The following NCOA2 variants were observed in gnomAD, a reference collection of about 807,000 sequenced individuals.
NCOA2 encodes the protein class E basic helix-loop-helix protein 75.
Under a neutral mutation model 145.1 loss-of-function variants are expected in NCOA2, and 21 were observed. The ratio of observed to expected loss-of-function variants is 0.14; its 90% CI spans 0.10 to 0.21. NCOA2 has a LOEUF of 0.21. NCOA2 is among the 10% of genes least tolerant of loss of function. NCOA2 has a pLI of 1.00. For synonymous variants in NCOA2, 619 were observed against 637.5 expected, an observed-to-expected ratio of 0.97 and a Z score of 0.44; for missense variants, 1,472 against 1,837.6, an observed-to-expected ratio of 0.80 and a Z score of 3.64.
intron 1 of NCOA2, among the ~76,000 whole-genome samples, chr8:70,302,629 C>A (rs976962384): frequency 2.0e-5 from 3 of 152,116 alleles, no homozygotes; most frequent in Non-Finnish European, 4.4e-5. Flanking sequence ...TTAAGGTATA[C>A]AAATTAATAC....
intron 4 of NCOA2, among the ~76,000 whole-genome samples, chr8:70,198,094 T>C (rs900150988): frequency 6.6e-6 from 1 of 152,144 alleles, no homozygotes; most frequent in East Asian, 1.9e-4. Flanking sequence ...AGTAATGGCA[T>C]CTGGCTTTTT....
chr8:70,267,462 T>C (rs950646212), intron 2 of NCOA2, among the ~76,000 whole-genome samples: 2 of 142,398 alleles, frequency 1.4e-5, no homozygotes, highest in Non-Finnish European at 3.0e-5. Context: ...ACAGTGACAA[T>C]CACAGCTCAC....
At chr8:70,145,298 T>C (rs896415351) in intron 12 of NCOA2, among the ~76,000 whole-genome samples, 2 of 150,364 alleles carry the variant, frequency 1.3e-5, no homozygotes, top group African/African-American at 2.4e-5. Context: ...GCTGGGATTA[T>C]AGGCGTGCAC....
intron 1 of NCOA2, among the ~76,000 whole-genome samples, chr8:70,297,705 GA>G (rs1276389002): frequency 6.6e-6 from 1 of 152,130 alleles, no homozygotes; most frequent in Non-Finnish European, 1.5e-5. Flanking sequence ...AGGTGAATAA[GA>G]AAAGGAAGAA....
At chr8:70,204,487 T>C (rs1818235572) in intron 4 of NCOA2, among the ~76,000 whole-genome samples, 3 of 152,160 alleles carry the variant, frequency 2.0e-5, no homozygotes, top group African/African-American at 7.2e-5. Flanking sequence ...TAAATAATAT[T>C]TGTCACAAGA....
At chr8:70,142,606 G>A (rs1352889321) in intron 13 of NCOA2, among the ~76,000 whole-genome samples, 7 of 152,164 alleles carry the variant, frequency 4.6e-5, no homozygotes, top group Admixed American at 4.6e-4. Context: ...GGCTGAGGTG[G>A]GAGGATCACT....
chr8:70,394,234 C>A (rs547951180), intron 1 of NCOA2, among the ~76,000 whole-genome samples: 21 of 152,220 alleles, frequency 1.4e-4, no homozygotes. Flanking sequence ...TGGCTCACCA[C>A]AACCTCCGCC....
intron 2 of NCOA2, among the ~76,000 whole-genome samples, chr8:70,283,896 T>C (rs977024664): frequency 6.6e-6 from 1 of 152,230 alleles, no homozygotes; most frequent in Non-Finnish European, 1.5e-5. Flanking sequence ...ATTTCAGATA[T>C]GGGATGCTCA....
intron 1 of NCOA2, 70 bp downstream of exon 1, chr8:70,403,630 G>C: frequency 2.9e-6 from 1 of 343,846 alleles, no homozygotes; most frequent in Non-Finnish European, 5.2e-6. Context: ...CCGGGGGTGG[G>C]GACGCGGCGC....
intron 2 of NCOA2, among the ~76,000 whole-genome samples, chr8:70,278,262 T>G (rs1164822359): frequency 2.0e-5 from 3 of 152,226 alleles, no homozygotes; most frequent in Non-Finnish European, 4.4e-5. Flanking sequence ...TATTGCCAAA[T>G]AATATTCCAC....
chr8:70,225,488 G>A (rs1223112451), intron 2 of NCOA2, among the ~76,000 whole-genome samples: 2 of 151,668 alleles, frequency 1.3e-5, no homozygotes, highest in African/African-American at 4.9e-5. Context: ...GGCAGAGGTT[G>A]CAGTGAGCCA....
At chr8:70,355,315 C>T (rs1053734367) in intron 1 of NCOA2, among the ~76,000 whole-genome samples, 1 of 152,176 alleles carries the variant, frequency 6.6e-6, no homozygotes, top group African/African-American at 2.4e-5. Context: ...AGCACAGTTA[C>T]GAGTCCTTCA....
At chr8:70,202,968 G>A (rs772813982) in intron 4 of NCOA2, among the ~76,000 whole-genome samples, 1 of 152,092 alleles carries the variant, frequency 6.6e-6, no homozygotes, top group Non-Finnish European at 1.5e-5. Context: ...TGAGGTGGCC[G>A]GATCACGAGG....
chr8:70,295,898 T>G (rs910830968), intron 2 of NCOA2, among the ~76,000 whole-genome samples: 2 of 152,150 alleles, frequency 1.3e-5, no homozygotes, highest in African/African-American at 4.8e-5. Context: ...TGAGCCAAGA[T>G]TGCACCACTG....
At chr8:70,266,823 T>A (rs924737509) in intron 2 of NCOA2, among the ~76,000 whole-genome samples, 2 of 152,220 alleles carry the variant, frequency 1.3e-5, no homozygotes, top group African/African-American at 2.4e-5. Context: ...CCTATATATA[T>A]ACTACGCATG....
At chr8:70,438,047 A>C in the NCOA2 span, among the ~76,000 whole-genome samples, 1 of 152,184 alleles carries the variant, frequency 6.6e-6, no homozygotes, top group African/African-American at 2.4e-5. Context: ...GGATGATTAG[A>C]TACATTTTTC....
At chr8:70,321,083 C>T (rs935730356) in intron 1 of NCOA2, among the ~76,000 whole-genome samples, 4 of 152,136 alleles carry the variant, frequency 2.6e-5, no homozygotes, top group Non-Finnish European at 5.9e-5. Context: ...AATTAACTTT[C>T]TGAGCTCCAA....
chr8:70,162,567 C>T lies in NCOA2; in HGVS notation c.976+144G>A. On this transcript the variant is annotated intron_variant, in intron 9 of 22. Transcript: ENST00000452400. Reference sequence around the variant, plus strand: ...CCTACAGGTTCTCCTGTTAAATTTTCCTTTAGATGGCAACACTGGGGCCAG... The same window carrying T: ...CCTACAGGTTCTCCTGTTAAATTTTTCTTTAGATGGCAACACTGGGGCCAG... 3 of 739,924 alleles carry T rather than the reference C, an allele frequency of 4.1e-6. No individual in the cohort carries two copies. In the South Asian group the frequency reaches 7.7e-5, roughly 19 times the overall value. The allele number at this position is 739,924 out of a possible 1,614,324, so 45.8% of individuals were successfully genotyped here.
chr8:70,186,275 A>G (rs1816060257), intron 4 of NCOA2, among the ~76,000 whole-genome samples: 1 of 152,204 alleles, frequency 6.6e-6, no homozygotes, highest in Non-Finnish European at 1.5e-5. Flanking sequence ...ATAAAGAATA[A>G]TATTTATATC....
Sources: allele counts gnomAD v4.1 joint callset (sites outside exome capture counted in the v4.1 genomes callset), GRCh38; gene constraint gnomAD v4.1.1; transcripts MANE v1.5; gene names NCBI Gene and HGNC (gene_info 2026-07-23, HGNC 2026-07-21).